Variants in IGSF11 observed in about 807,000 individuals in gnomAD.
IGSF11 encodes the protein CXADR like 1.
Under a neutral mutation model 41.0 loss-of-function variants are expected in IGSF11, and 22 were observed. The ratio of observed to expected loss-of-function variants is 0.54; its 90% confidence interval spans 0.38 to 0.77. The LOEUF is 0.77. Among genes scored for constraint, IGSF11 ranks in the 30% least tolerant of loss-of-function variants. The pLI, the probability that IGSF11 is intolerant of heterozygous loss-of-function variation, is 0.00. For synonymous variants in IGSF11, 219 were observed against 201.3 expected, an observed-to-expected ratio of 1.09 and a Z score of -0.74; for missense variants, 444 against 530.8, an observed-to-expected ratio of 0.84 and a Z score of 1.61.
chr3:119,043,996 A>C (rs1370457767), intron 1 of IGSF11, among the ~76,000 whole-genome samples: 1 of 152,162 alleles, frequency 6.6e-6, no homozygotes, highest in Non-Finnish European at 1.5e-5. Context: ...ATATGACAAA[A>C]CAAGGTTCTA....
intron 1 of IGSF11, among the ~76,000 whole-genome samples, chr3:118,957,836 A>G (rs6796798): frequency 0.023 from 3,548 of 152,296 alleles, 139 homozygotes; most frequent in African/African-American, 0.081. Flanking sequence ...TTTGTTACCA[A>G]CTTGACCAAG....
chr3:118,992,432 C>CA (rs1935880173), intron 1 of IGSF11, among the ~76,000 whole-genome samples: 1 of 152,150 alleles, frequency 6.6e-6, no homozygotes, highest in African/African-American at 2.4e-5. Context: ...AAACATTTAG[C>CA]AAAAAGTGCA....
At chr3:118,964,480 T>A (rs1945541943) in intron 1 of IGSF11, among the ~76,000 whole-genome samples, 1 of 151,974 alleles carries the variant, frequency 6.6e-6, no homozygotes, top group Non-Finnish European at 1.5e-5. Flanking sequence ...TAGCTTAAGG[T>A]AAGTACACAC....
At chr3:119,101,542 C>T (rs1184834743) in intron 1 of IGSF11, among the ~76,000 whole-genome samples, 3 of 152,024 alleles carry the variant, frequency 2.0e-5, no homozygotes, top group Non-Finnish European at 4.4e-5. Flanking sequence ...CATATACAGA[C>T]ATGGCACAAA....
chr3:118,913,395 C>T (rs1052553192), intron 4 of IGSF11, among the ~76,000 whole-genome samples: 1 of 152,042 alleles, frequency 6.6e-6, no homozygotes, highest in Non-Finnish European at 1.5e-5. Flanking sequence ...ATCTACAGAA[C>T]ACCAAGTACA....
exon 1 of IGSF11, chr3:119,145,902 G>A (rs867248339): frequency 2.7e-6 from 1 of 370,276 alleles, no homozygotes. Flanking sequence ...ACGGAGCCCC[G>A]TGGCCTGGTT....
At chr3:119,015,329 C>A (rs1444691719) in intron 1 of IGSF11, among the ~76,000 whole-genome samples, 2 of 152,180 alleles carry the variant, frequency 1.3e-5, no homozygotes, top group African/African-American at 4.8e-5. Context: ...TGTGCAAGAT[C>A]TACCTTATTT....
At chr3:119,001,125 C>T (rs1035041340) in intron 1 of IGSF11, among the ~76,000 whole-genome samples, 1 of 151,942 alleles carries the variant, frequency 6.6e-6, no homozygotes, top group African/African-American at 2.4e-5. Flanking sequence ...TGCATGGCTG[C>T]ATCCTTCAAT....
intron 1 of IGSF11, among the ~76,000 whole-genome samples, chr3:119,080,850 C>G (rs1045550193): frequency 6.6e-6 from 1 of 152,122 alleles, no homozygotes; most frequent in Non-Finnish European, 1.5e-5. Context: ...CCTAGGGTGA[C>G]AGTTGCTTTT....
intron 1 of IGSF11, among the ~76,000 whole-genome samples, chr3:119,073,597 G>A (rs1170353135): frequency 6.6e-6 from 1 of 152,146 alleles, no homozygotes; most frequent in Non-Finnish European, 1.5e-5. Context: ...GTGCCGGTGG[G>A]CCGGCAGTGC....
chr3:119,087,373 TACACACACACACAC>T (rs200774982), intron 1 of IGSF11, among the ~76,000 whole-genome samples: 1 of 147,402 alleles, frequency 6.8e-6, no homozygotes, highest in African/African-American at 2.5e-5. Context: ...GAAAATGTTA[TACACACACACACAC>T]ACACACACAC....
intron 1 of IGSF11, among the ~76,000 whole-genome samples, chr3:119,016,053 C>A (rs1471779861): frequency 6.6e-6 from 1 of 152,094 alleles, no homozygotes; most frequent in Admixed American, 6.6e-5. Flanking sequence ...GTAGACCAGG[C>A]AGAAAGGCTG....
intron 1 of IGSF11, among the ~76,000 whole-genome samples, chr3:118,978,388 C>A (rs942455578): frequency 6.6e-6 from 1 of 152,202 alleles, no homozygotes; most frequent in Non-Finnish European, 1.5e-5. Flanking sequence ...TTGCTCATGC[C>A]ACATCCACTG....
chr3:118,900,954 T>C lies in IGSF11; in HGVS notation c.*1566A>G, dbSNP rs1938775469. 6.6e-6 allele frequency: 1 copy of C among 152,500 alleles called. No homozygotes were observed. Among genetic ancestry groups the C allele is most frequent in the Non-Finnish European group, 1.5e-5 (1 of 68,026 alleles). 9.4% of individuals were successfully genotyped at this position (152,500 alleles called of 1,614,324 possible). ...GTTGGTTTCCATTCATTCACATAACTGAAAAAAATGTCAGGAAGCCACTCC... is the reference window on the plus strand; with the variant it reads ...GTTGGTTTCCATTCATTCACATAACCGAAAAAAATGTCAGGAAGCCACTCC... On this transcript the variant is annotated 3_prime_UTR_variant, in exon 7 of 7. Transcript: ENST00000393775.
intron 1 of IGSF11, among the ~76,000 whole-genome samples, chr3:119,129,226 C>T (rs984306357): frequency 2.6e-5 from 4 of 152,018 alleles, no homozygotes; most frequent in Non-Finnish European, 4.4e-5. Flanking sequence ...CCATGGCACA[C>T]GTATACCTAT....
chr3:119,084,198 G>A (rs1390973616), intron 1 of IGSF11, among the ~76,000 whole-genome samples: 3 of 152,076 alleles, frequency 2.0e-5, no homozygotes, highest in Non-Finnish European at 4.4e-5. Context: ...AATGTAATTT[G>A]AACAGATCTT....
intron 1 of IGSF11, among the ~76,000 whole-genome samples, chr3:119,068,613 A>G (rs1048991080): frequency 3.3e-5 from 5 of 152,204 alleles, no homozygotes; most frequent in Non-Finnish European, 1.5e-5. Context: ...TGAGAAGGAA[A>G]TAATTTTACT....
chr3:118,929,592 T>C (rs1435188795), intron 2 of IGSF11, among the ~76,000 whole-genome samples: 2 of 152,230 alleles, frequency 1.3e-5, no homozygotes, highest in Non-Finnish European at 2.9e-5. Flanking sequence ...TTTCCTGTAA[T>C]TGATACAGCT....
intron 1 of IGSF11, among the ~76,000 whole-genome samples, chr3:119,141,177 AAAG>A (rs1212704982): frequency 1.3e-5 from 2 of 152,010 alleles, no homozygotes; most frequent in African/African-American, 4.8e-5. Flanking sequence ...CCAATGGATT[AAAG>A]AAGAAATCAC....
Sources: allele counts gnomAD v4.1 joint callset (sites outside exome capture counted in the v4.1 genomes callset), GRCh38; gene constraint gnomAD v4.1.1; transcripts MANE v1.5; gene names NCBI Gene and HGNC (gene_info 2026-07-23, HGNC 2026-07-21).